WASF3: variants seen among roughly 807,000 people sequenced by gnomAD.
WASF3 encodes WASP family member 3.
Under a neutral mutation model 46.6 loss-of-function variants are expected in WASF3, and 11 were observed. The ratio of observed to expected loss-of-function variants is 0.24; its 90% CI spans 0.15 to 0.39. WASF3 has a LOEUF of 0.39. WASF3 is among the 10% of genes least tolerant of loss of function. WASF3 has a pLI of 1.00. For missense variants in WASF3, 576 were observed against 669.8 expected, an observed-to-expected ratio of 0.86 and a Z score of 1.55; for synonymous variants, 242 against 259.7, an observed-to-expected ratio of 0.93 and a Z score of 0.65.
intron 1 of WASF3, among the ~76,000 whole-genome samples, chr13:26,589,539 A>C (rs1039917727): frequency 1.3e-5 from 2 of 152,190 alleles, no homozygotes; most frequent in African/African-American, 4.8e-5. Flanking sequence ...CAATAGATGC[A>C]TTTGTTTGAG....
intron 2 of WASF3, among the ~76,000 whole-genome samples, chr13:26,617,208 A>G (rs1222643074): frequency 2.0e-5 from 3 of 152,128 alleles, no homozygotes; most frequent in African/African-American, 7.2e-5. Flanking sequence ...TTTCTGAGAA[A>G]AGTATGTTGG....
chr13:26,564,386 A>G (rs951418082), intron 1 of WASF3, among the ~76,000 whole-genome samples: 1 of 152,232 alleles, frequency 6.6e-6, no homozygotes, highest in African/African-American at 2.4e-5. Context: ...TCACTGTGGT[A>G]ACACTTGGTG....
chr13:26,575,208 A>G (rs1358434831), intron 1 of WASF3, among the ~76,000 whole-genome samples: 1 of 151,472 alleles, frequency 6.6e-6, no homozygotes. Context: ...TTTCCTTCTC[A>G]TCTGTTCACG....
At chr13:26,552,200 T>C in the WASF3 span, among the ~76,000 whole-genome samples, 1 of 152,172 alleles carries the variant, frequency 6.6e-6, no homozygotes, top group African/African-American at 2.4e-5. Context: ...AAAAAGACAA[T>C]TTCTCTGGGC....
chr13:26,648,669 A>T (rs1246409729), intron 3 of WASF3, among the ~76,000 whole-genome samples: 1 of 152,168 alleles, frequency 6.6e-6, no homozygotes, highest in East Asian at 1.9e-4. Context: ...TGTCCGACCG[A>T]AGTTGACTGG....
intron 2 of WASF3, among the ~76,000 whole-genome samples, chr13:26,613,747 C>T (rs902465031): frequency 2.0e-5 from 3 of 152,048 alleles, no homozygotes; most frequent in Non-Finnish European, 2.9e-5. Flanking sequence ...TCCAGCCTGG[C>T]GACAGAGTGA....
rs1298309594 is a variant in WASF3 at position 26,686,325 on chromosome 13, T to C, written c.*480T>C. ...AAGGATGTGTTTCTGAATAAGTTGG[T>C]TTTAGAGGGAAAGGTTCAACAAACA... On this transcript the variant is annotated 3_prime_UTR_variant, in exon 10 of 10. Transcript: ENST00000335327. 1.3e-5 allele frequency: 2 copies of C among 153,422 alleles called. No homozygotes were observed. Among genetic ancestry groups the C allele is most frequent in the African/African-American group, 4.8e-5 (2 of 41,454 alleles). The allele number at this position is 153,422 out of a possible 1,614,324, so 9.5% of individuals were successfully genotyped here. A position where few individuals can be genotyped will look rare whatever the true frequency, so the allele number is the denominator to read the frequency against.
chr13:26,613,265 G>GA (rs199506233), intron 2 of WASF3, among the ~76,000 whole-genome samples: 6 of 150,098 alleles, frequency 4.0e-5, no homozygotes, highest in African/African-American at 7.3e-5. Context: ...CATTGAAAGA[G>GA]AAAAAAAAAC....
At chr13:26,575,731 T>G (rs1879778080) in intron 1 of WASF3, among the ~76,000 whole-genome samples, 1 of 152,182 alleles carries the variant, frequency 6.6e-6, no homozygotes, top group East Asian at 1.9e-4. Flanking sequence ...ATTTTTAGTA[T>G]TTATTTATTT....
intron 1 of WASF3, among the ~76,000 whole-genome samples, chr13:26,611,946 A>G (rs970009541): frequency 6.6e-6 from 1 of 151,614 alleles, no homozygotes; most frequent in African/African-American, 2.4e-5. Flanking sequence ...TCTTTTTAGT[A>G]GACTCAAAGT....
rs1464847877 is a variant in WASF3, at chr13:26,560,649, TAG to T, written c.-109+2833_-109+2834del. Among the ~76,000 whole-genome samples, 2 of 152,192 alleles carry T rather than the reference TAG, an allele frequency of 1.3e-5. 1 individual carries two copies. ...CAGTGCAGTGTGATAAGTACCATGA[TAG>T]AGTCAGTAATCAGTGAGGGATGTAG... On this transcript the variant is annotated intron_variant, in intron 1 of 9. Coordinates refer to ENST00000335327, the MANE Select transcript of WASF3 (RefSeq NM_006646.6).
intron 3 of WASF3, among the ~76,000 whole-genome samples, chr13:26,647,971 TAA>T (rs71820047): frequency 0.15 from 23,269 of 152,146 alleles, 2,358 homozygotes; most frequent in South Asian, 0.26. Context: ...TGTATTCTTA[TAA>T]GACACATTTT....
At chr13:26,554,035 CTT>C (rs1879028044), upstream of WASF3, among the ~76,000 whole-genome samples, 2 of 53,546 alleles carry the variant, frequency 3.7e-5, no homozygotes, top group Admixed American at 2.1e-4. Context: ...CCTTCTTTCT[CTT>C]TCTTTCCTTC....
upstream of WASF3, among the ~76,000 whole-genome samples, chr13:26,556,783 A>G (rs1405484909): frequency 6.6e-6 from 1 of 152,258 alleles, no homozygotes; most frequent in East Asian, 1.9e-4. Flanking sequence ...GTGTTTCTTG[A>G]ACTATTCATT....
At chr13:26,545,112 G>A in the WASF3 span, among the ~76,000 whole-genome samples, 1 of 152,140 alleles carries the variant, frequency 6.6e-6, no homozygotes, top group Non-Finnish European at 1.5e-5. Flanking sequence ...CTCCACCCCT[G>A]GGATAAATGG....
intron 3 of WASF3, among the ~76,000 whole-genome samples, chr13:26,661,369 T>C (rs1434495198): frequency 6.6e-6 from 1 of 152,214 alleles, no homozygotes; most frequent in East Asian, 1.9e-4. Context: ...AATCGTACAG[T>C]ATTTGTCTTT....
At chr13:26,544,703 A>C in the WASF3 span, among the ~76,000 whole-genome samples, 2 of 152,200 alleles carry the variant, frequency 1.3e-5, no homozygotes, top group Non-Finnish European at 1.5e-5. Flanking sequence ...GGTCAGAGTA[A>C]ACAAGCATCC....
At chr13:26,636,746 G>GTCCTT (rs1258848107) in intron 2 of WASF3, among the ~76,000 whole-genome samples, 1 of 152,162 alleles carries the variant, frequency 6.6e-6, no homozygotes, top group Non-Finnish European at 1.5e-5. Flanking sequence ...CTGCTGAAGG[G>GTCCTT]TCCTTTCTTG....
intron 3 of WASF3, among the ~76,000 whole-genome samples, chr13:26,655,426 G>A (rs565856579): frequency 6.6e-6 from 1 of 152,226 alleles, no homozygotes; most frequent in African/African-American, 2.4e-5. Context: ...GTCATAACTG[G>A]TGGTATTGAC....
Sources: allele counts gnomAD v4.1 joint callset (sites outside exome capture counted in the v4.1 genomes callset), GRCh38; gene constraint gnomAD v4.1.1; transcripts MANE v1.5; gene names NCBI Gene and HGNC (gene_info 2026-07-23, HGNC 2026-07-21).